FAM227B: variants seen among roughly 807,000 people sequenced by gnomAD.
The protein encoded by FAM227B is protein FAM227B.
In FAM227B, 88 loss-of-function variants were observed where a neutral mutation model predicts 73.8. That is an observed-to-expected ratio of 1.19 (90% CI 1.00 to 1.42). The LOEUF (loss-of-function observed/expected upper bound fraction) is 1.42. Among genes scored for constraint, FAM227B ranks in the 40% most tolerant of loss-of-function variants. The pLI is 0.00. For missense variants in FAM227B, 632 were observed against 590.9 expected, an observed-to-expected ratio of 1.07 and a Z score of -0.72; for synonymous variants, 210 against 190.5, an observed-to-expected ratio of 1.10 and a Z score of -0.84.
chr15:49,481,170 C>A (rs2055908664), intron 11 of FAM227B, among the ~76,000 whole-genome samples: 1 of 152,136 alleles, frequency 6.6e-6, no homozygotes, highest in Non-Finnish European at 1.5e-5. Context: ...TCTTTAGAAA[C>A]CAACTATTCC....
At chr15:49,545,028 G>GA (rs888692967) in intron 9 of FAM227B, among the ~76,000 whole-genome samples, 2 of 152,014 alleles carry the variant, frequency 1.3e-5, no homozygotes, top group African/African-American at 4.8e-5. Flanking sequence ...TAGAATTAGG[G>GA]AAGAGTCCCT....
intron 11 of FAM227B, among the ~76,000 whole-genome samples, chr15:49,474,916 G>GT (rs2055113886): frequency 6.6e-6 from 1 of 152,078 alleles, no homozygotes; most frequent in Non-Finnish European, 1.5e-5. Flanking sequence ...TTGGTTTAGA[G>GT]TATCATCTCA....
chr15:49,588,572 T>TATAC (rs2076324642), intron 4 of FAM227B, among the ~76,000 whole-genome samples: 1 of 119,494 alleles, frequency 8.4e-6, no homozygotes, highest in African/African-American at 3.4e-5. Context: ...TATATATATA[T>TATAC]ATATATATAT....
At chr15:49,395,002 A>T (rs1257750097) in intron 11 of FAM227B, among the ~76,000 whole-genome samples, 1 of 152,206 alleles carries the variant, frequency 6.6e-6, no homozygotes, top group Non-Finnish European at 1.5e-5. Flanking sequence ...CTGTTATTTA[A>T]GAGAGGAGGA....
chr15:49,612,826 G>A (rs1337646078), intron 2 of FAM227B, among the ~76,000 whole-genome samples: 3 of 151,686 alleles, frequency 2.0e-5, no homozygotes, highest in Non-Finnish European at 4.4e-5. Flanking sequence ...TTGAATTGGG[G>A]GATATTTCAT....
At chr15:49,508,868 G>T (rs1007907893) in intron 10 of FAM227B, among the ~76,000 whole-genome samples, 2 of 152,124 alleles carry the variant, frequency 1.3e-5, no homozygotes, top group African/African-American at 4.8e-5. Flanking sequence ...AAAAATTGAA[G>T]TATAGTAAGG....
chr15:49,596,648 C>A (rs2076901038), intron 3 of FAM227B, among the ~76,000 whole-genome samples: 1 of 151,852 alleles, frequency 6.6e-6, no homozygotes, highest in African/African-American at 2.4e-5. Context: ...TGTAAATGGC[C>A]TAAATGCTCC....
chr15:49,422,390 C>T, intron 11 of FAM227B: 1 of 396,978 alleles, frequency 2.5e-6, no homozygotes, highest in Non-Finnish European at 4.0e-6. Flanking sequence ...CTTAGCAATA[C>T]ATATTATAAT....
chr15:49,361,589 A>G (rs1230643600), intron 13 of FAM227B, among the ~76,000 whole-genome samples: 1 of 152,144 alleles, frequency 6.6e-6, no homozygotes, highest in African/African-American at 2.4e-5. Flanking sequence ...GTTAGTTTTT[A>G]TGGCTGCACA....
intron 15 of FAM227B, chr15:49,330,534 A>G (rs893339197): frequency 6.6e-6 from 1 of 152,202 alleles, no homozygotes; most frequent in Admixed American, 6.5e-5. Context: ...GGGCTGAGAT[A>G]GTAGCTGCCT....
intron 3 of FAM227B, among the ~76,000 whole-genome samples, chr15:49,601,042 A>G (rs2077171959): frequency 1.1e-5 from 1 of 93,652 alleles, no homozygotes; most frequent in Non-Finnish European, 2.8e-5. Flanking sequence ...ACTCTGTCTC[A>G]AAAAAAAAAA....
At chr15:49,503,186 G>A (rs925863227) in intron 11 of FAM227B, among the ~76,000 whole-genome samples, 5 of 152,066 alleles carry the variant, frequency 3.3e-5, no homozygotes, top group African/African-American at 9.7e-5. Context: ...AGGATTCCCT[G>A]TTTAATAAAT....
intron 11 of FAM227B, among the ~76,000 whole-genome samples, chr15:49,479,599 GTTTTTTT>G (rs56097665): frequency 1.6e-3 from 104 of 63,306 alleles, no homozygotes; most frequent in African/African-American, 5.7e-3. Flanking sequence ...TAATACCTCT[GTTTTTTT>G]TTTTTTTTTT....
chr15:49,608,301 A>G (rs1199035006), intron 3 of FAM227B, among the ~76,000 whole-genome samples: 1 of 152,168 alleles, frequency 6.6e-6, no homozygotes, highest in Non-Finnish European at 1.5e-5. Flanking sequence ...GTTTATTTTA[A>G]TTATAGCAAT....
intron 10 of FAM227B, among the ~76,000 whole-genome samples, chr15:49,508,620 ATATTAT>A: frequency 6.6e-6 from 1 of 152,154 alleles, no homozygotes; most frequent in East Asian, 1.9e-4. Flanking sequence ...ATATGAACTA[ATATTAT>A]TATTAATATT....
intron 11 of FAM227B, among the ~76,000 whole-genome samples, chr15:49,503,156 C>G (rs899802457): frequency 5.9e-5 from 9 of 152,216 alleles, no homozygotes; most frequent in African/African-American, 2.2e-4. Context: ...ACAAACCTGA[C>G]AAAAACAAGA....
At chr15:49,381,626 T>G (rs963585264) in intron 11 of FAM227B, among the ~76,000 whole-genome samples, 2 of 152,226 alleles carry the variant, frequency 1.3e-5, no homozygotes. Context: ...TTAGTAGATA[T>G]TCCCACCATC....
chr15:49,575,088 T>C lies in FAM227B; in HGVS notation c.568A>G (p.Lys190Glu), dbSNP rs2075365115. 2.5e-6 allele frequency: 4 copies of C among 1,597,748 alleles called. No individual in the cohort carries two copies. Among genetic ancestry groups the C allele is most frequent in the Non-Finnish European group, 3.4e-6 (4 of 1,171,506 alleles). Residue 190 changes from lysine (K) to glutamate (E), a missense_variant, in exon 8 of 16, where the codon AAG becomes GAG. By Grantham distance (56) the Lys-to-Glu change is moderately conservative. Transcript: ENST00000299338. ...NFDERVFKIW[K>E]THFLSEASIA... The stretch of plus-strand genomic sequence containing the variant: ...GAGGCTTCTGAGAGAAAATGAGTCT[T>C]CCAGATTTTAAAAACTCTTTCCTAT...
intron 11 of FAM227B, among the ~76,000 whole-genome samples, chr15:49,456,949 G>C (rs1201806454): frequency 6.6e-6 from 1 of 152,072 alleles, no homozygotes; most frequent in East Asian, 1.9e-4. Context: ...TCATATTATA[G>C]AGAAGGGAAC....
Sources: gnomAD v4.1 joint callset for allele counts (sites outside exome capture counted in the v4.1 genomes callset) on GRCh38, gnomAD v4.1.1 for gene constraint, MANE v1.5 for transcripts, NCBI Gene and HGNC (gene_info 2026-07-23, HGNC 2026-07-21) for gene names.